KAZN: variants seen among roughly 807,000 people sequenced by gnomAD.
KAZN encodes kazrin.
Under a neutral mutation model 87.4 loss-of-function variants are expected in KAZN, and 40 were observed. The observed-to-expected ratio is 0.46, with a 90% CI of 0.36 to 0.60. The LOEUF (loss-of-function observed/expected upper bound fraction) is 0.60, where lower values mean the gene tolerates loss of function less well. KAZN is among the 20% of genes least tolerant of loss of function. The pLI is 0.00. For synonymous variants in KAZN, 466 were observed against 458.3 expected, an observed-to-expected ratio of 1.02 and a Z score of -0.22; for missense variants, 898 against 1,073.9, an observed-to-expected ratio of 0.84 and a Z score of 2.29.
At chr1:13,916,922 CTT>C (rs1428974020) in intron 1 of KAZN, among the ~76,000 whole-genome samples, 1 of 152,096 alleles carries the variant, frequency 6.6e-6, no homozygotes, top group African/African-American at 2.4e-5. Flanking sequence ...ACTCACAAGA[CTT>C]TGTACACATG....
At chr1:14,064,825 C>A (rs16853532) in intron 1 of KAZN, among the ~76,000 whole-genome samples, 3,439 of 152,236 alleles carry the variant, frequency 0.023, 109 homozygotes, top group East Asian at 0.066. Flanking sequence ...GGGAAGTGGA[C>A]ATCCTGAGTC....
At chr1:14,235,730 A>G (rs1648360181) in intron 2 of KAZN, among the ~76,000 whole-genome samples, 1 of 152,220 alleles carries the variant, frequency 6.6e-6, no homozygotes, top group Non-Finnish European at 1.5e-5. Context: ...CAGTCACAGT[A>G]AAGTCTGAAA....
chr1:14,689,689 G>A (rs192852513), intron 1 of KAZN, among the ~76,000 whole-genome samples: 232 of 152,320 alleles, frequency 1.5e-3, no homozygotes, highest in Middle Eastern at 3.4e-3. Context: ...TGCCAGAAGC[G>A]TCATGGAAAC....
chr1:14,478,317 A>AGAAGGAAG (rs61382779), intron 2 of KAZN, among the ~76,000 whole-genome samples: 2 of 146,154 alleles, frequency 1.4e-5, no homozygotes, highest in African/African-American at 5.0e-5. Context: ...ATGGATGGAT[A>AGAAGGAAG]GAAGGAAGGA....
chr1:15,068,899 G>A (rs145316495), intron 8 of KAZN, among the ~76,000 whole-genome samples: 69 of 152,152 alleles, frequency 4.5e-4, no homozygotes, highest in African/African-American at 1.4e-3. Context: ...ACACGATGCC[G>A]AGGTGAAAAT....
chr1:14,187,711 T>C lies in KAZN; in HGVS notation c.249+7119T>C, dbSNP rs375311673. ...AAGGATGTTGCTAAACTCTCTACAA[T>C]GCACAGGAGAGCTGCTCACAGCAAA... On this transcript the variant is annotated intron_variant, in intron 2 of 16. Transcript: ENST00000636203. Among the ~76,000 whole-genome samples the C allele has an allele frequency of 1.1e-4, 17 of 152,282 alleles. No homozygotes were observed. In the East Asian group the frequency reaches 3.1e-3, roughly 28 times the overall value.
At chr1:14,766,150 A>G (rs1644877511) in intron 1 of KAZN, among the ~76,000 whole-genome samples, 2 of 152,168 alleles carry the variant, frequency 1.3e-5, no homozygotes, top group Admixed American at 1.3e-4. Context: ...ACCGTGGGCA[A>G]CTGGAGCCAG....
At chr1:14,223,990 G>A (rs1003165311) in intron 2 of KAZN, among the ~76,000 whole-genome samples, 10 of 152,158 alleles carry the variant, frequency 6.6e-5, no homozygotes, top group Non-Finnish European at 8.8e-5. Context: ...GTTCACGATC[G>A]TCAGGGCACA....
intron 1 of KAZN, among the ~76,000 whole-genome samples, chr1:14,139,972 ATGTATG>A (rs1645201045): frequency 1.5e-5 from 1 of 66,418 alleles, no homozygotes; most frequent in South Asian, 3.8e-4. Flanking sequence ...TGTGTGTGGT[ATGTATG>A]TGTGTGTGTG....
chr1:14,588,125 A>G (rs1477723242), intron 2 of KAZN, among the ~76,000 whole-genome samples: 1 of 152,114 alleles, frequency 6.6e-6, no homozygotes, highest in Non-Finnish European at 1.5e-5. Flanking sequence ...TGATCATGGT[A>G]GCTTCTTCCT....
chr1:14,675,397 G>A (rs1212118752), intron 1 of KAZN, among the ~76,000 whole-genome samples: 2 of 152,208 alleles, frequency 1.3e-5, no homozygotes, highest in Admixed American at 6.5e-5. Flanking sequence ...ACTTGGGGGT[G>A]TTCTCTTTGA....
At chr1:15,048,716 C>CTGGGTCGTTGGTCA (rs1209284942) in intron 4 of KAZN, among the ~76,000 whole-genome samples, 5 of 145,146 alleles carry the variant, frequency 3.4e-5, no homozygotes, top group African/African-American at 2.7e-5. Flanking sequence ...GTCGTTGGTC[C>CTGGGTCGTTGGTCA]TGGGTCGTTG....
At chr1:13,905,537 C>A (rs1639403805) in intron 1 of KAZN, among the ~76,000 whole-genome samples, 1 of 151,484 alleles carries the variant, frequency 6.6e-6, no homozygotes, top group East Asian at 1.9e-4. Flanking sequence ...GTGTTCAGGA[C>A]CCACATCCAA....
intron 2 of KAZN, among the ~76,000 whole-genome samples, chr1:14,569,319 G>GTTTTTTTT (rs1557806268): frequency 4.1e-5 from 3 of 73,302 alleles, no homozygotes; most frequent in Non-Finnish European, 2.5e-5. Context: ...TACTTCCTCT[G>GTTTTTTTT]CTTTTTTTTT....
At chr1:13,920,817 T>C (rs957455703) in intron 1 of KAZN, among the ~76,000 whole-genome samples, 3 of 152,114 alleles carry the variant, frequency 2.0e-5, no homozygotes, top group African/African-American at 4.8e-5. Context: ...TCACTTGTGG[T>C]TTATGGTCAC....
chr1:13,960,256 C>T (rs1023179362), intron 1 of KAZN, among the ~76,000 whole-genome samples: 3 of 152,158 alleles, frequency 2.0e-5, no homozygotes, highest in Admixed American at 1.3e-4. Flanking sequence ...CCTACAAGGA[C>T]GGCACTATCA....
At chr1:13,963,132 T>C (rs1366865559) in intron 1 of KAZN, among the ~76,000 whole-genome samples, 1 of 151,936 alleles carries the variant, frequency 6.6e-6, no homozygotes, top group Non-Finnish European at 1.5e-5. Flanking sequence ...GTTTAAAAAA[T>C]CTCTCTAATG....
At chr1:14,169,502 G>A (rs759702213) in intron 1 of KAZN, among the ~76,000 whole-genome samples, 1 of 152,144 alleles carries the variant, frequency 6.6e-6, no homozygotes, top group Non-Finnish European at 1.5e-5. Flanking sequence ...AACTGGAGTG[G>A]AGTGAAGAGG....
intron 2 of KAZN, among the ~76,000 whole-genome samples, chr1:14,194,924 A>G (rs1646495162): frequency 6.6e-6 from 1 of 152,126 alleles, no homozygotes; most frequent in Non-Finnish European, 1.5e-5. Flanking sequence ...TACCTGTGGG[A>G]CAACCCTGTT....
Sources: allele counts gnomAD v4.1 joint callset (sites outside exome capture counted in the v4.1 genomes callset), GRCh38; gene constraint gnomAD v4.1.1; transcripts MANE v1.5; gene names NCBI Gene and HGNC (gene_info 2026-07-23, HGNC 2026-07-21).